Variants in CIMIP1 observed in about 807,000 individuals in gnomAD.
CIMIP1 encodes the protein ciliary microtubule inner protein 1, also known as low in lung cancer 1.
the CIMIP1 span, chr20:58,151,057 G>C: frequency 1.9e-6 from 3 of 1,580,080 alleles, no homozygotes; most frequent in South Asian, 1.2e-5. Flanking sequence ...CGGGCAACGC[G>C]GTGGGCTCCT....
the CIMIP1 span, chr20:58,153,681 A>G: frequency 8.0e-7 from 1 of 1,243,396 alleles, no homozygotes. Context: ...TCAAAGAATG[A>G]ATGATTACAA....
the CIMIP1 span, among the ~76,000 whole-genome samples, chr20:58,159,235 G>C: frequency 7.4e-6 from 1 of 134,464 alleles, no homozygotes; most frequent in African/African-American, 2.9e-5. Flanking sequence ...TAATTGCCAG[G>C]CTGGGCATGA....
At chr20:58,152,722 CAAAAAAAAAA>C in the CIMIP1 span, among the ~76,000 whole-genome samples, 5 of 84,872 alleles carry the variant, frequency 5.9e-5, no homozygotes, top group East Asian at 4.0e-4. Flanking sequence ...GAAACTCCAT[CAAAAAAAAAA>C]AAAAAAAAAA....
the CIMIP1 span, chr20:58,155,587 A>G: frequency 1.3e-6 from 2 of 1,592,052 alleles, no homozygotes; most frequent in Non-Finnish European, 1.7e-6. Flanking sequence ...ACGTTTTTAA[A>G]TACTCATTTT....
the CIMIP1 span, among the ~76,000 whole-genome samples, chr20:58,152,808 T>C: frequency 4.6e-5 from 7 of 151,992 alleles, no homozygotes; most frequent in Non-Finnish European, 1.0e-4. Context: ...TCAAATTGTG[T>C]ATGCAGCTCA....
At chr20:58,157,899 G>A in the CIMIP1 span, among the ~76,000 whole-genome samples, 1 of 152,164 alleles carries the variant, frequency 6.6e-6, no homozygotes, top group Admixed American at 6.5e-5. Context: ...CCAGAGCTGG[G>A]CTTTAATTCT....
chr20:58,159,183 C>CTT, the CIMIP1 span, among the ~76,000 whole-genome samples: 9,234 of 104,028 alleles, frequency 0.089, 641 homozygotes, highest in African/African-American at 0.16. Context: ...GCACTTTCTT[C>CTT]TTTTTTTTTT....
chr20:58,151,715 ATT>A, the CIMIP1 span, among the ~76,000 whole-genome samples: 4 of 151,672 alleles, frequency 2.6e-5, no homozygotes, highest in African/African-American at 9.7e-5. Flanking sequence ...GCCTGGCCAA[ATT>A]TTTTTTTAAA....
the CIMIP1 span, chr20:58,151,164 T>C: frequency 3.7e-6 from 3 of 820,852 alleles, no homozygotes; most frequent in Non-Finnish European, 5.9e-6. Flanking sequence ...GGGCGTGCGC[T>C]GAGGATGGTC....
the CIMIP1 span, among the ~76,000 whole-genome samples, chr20:58,152,595 A>G: frequency 1.3e-5 from 2 of 151,882 alleles, no homozygotes; most frequent in African/African-American, 4.8e-5. Flanking sequence ...GGTGGCACAC[A>G]CCTGTAATCC....
the CIMIP1 span, chr20:58,150,945 G>A: frequency 3.8e-6 from 6 of 1,593,354 alleles, no homozygotes; most frequent in South Asian, 3.4e-5. Flanking sequence ...CTTGCGGGGC[G>A]CACAGAGCCC....
chr20:58,158,685 A>G, the CIMIP1 span, among the ~76,000 whole-genome samples: 1 of 151,582 alleles, frequency 6.6e-6, no homozygotes, highest in Non-Finnish European at 1.5e-5. Context: ...TCCTTCTTCC[A>G]CCTTTCTTCC....
chr20:58,157,742 T>C, the CIMIP1 span, among the ~76,000 whole-genome samples: 1 of 152,134 alleles, frequency 6.6e-6, no homozygotes, highest in South Asian at 2.1e-4. Context: ...TTGCTCTGAG[T>C]CCGTAATTTT....
the CIMIP1 span, chr20:58,150,970 G>T: frequency 6.2e-6 from 10 of 1,605,754 alleles, no homozygotes; most frequent in Admixed American, 3.4e-5. Flanking sequence ...GCCTCATGGC[G>T]CAGAAACCTC....
chr20:58,160,651 T>C, the CIMIP1 span: 1 of 1,610,844 alleles, frequency 6.2e-7, no homozygotes. Context: ...CCCCTGTATT[T>C]CCATTCCAGG....
the CIMIP1 span, chr20:58,150,984 G>A: frequency 6.2e-7 from 1 of 1,608,478 alleles, no homozygotes; most frequent in African/African-American, 1.3e-5. Flanking sequence ...AAACCTCTCA[G>A]CACCGCGGCG....
the CIMIP1 span, among the ~76,000 whole-genome samples, chr20:58,157,079 AAATAT>A: frequency 2.6e-5 from 4 of 152,308 alleles, no homozygotes; most frequent in Admixed American, 6.5e-5. Context: ...AAATACACCA[AAATAT>A]AATATAATTA....
the CIMIP1 span, among the ~76,000 whole-genome samples, chr20:58,159,720 C>T: frequency 6.6e-6 from 1 of 152,148 alleles, no homozygotes; most frequent in Admixed American, 6.5e-5. Context: ...GGACAAACAG[C>T]TTTGAGAGCT....
chr20:58,159,094 T>C, the CIMIP1 span, among the ~76,000 whole-genome samples: 1 of 152,016 alleles, frequency 6.6e-6, no homozygotes, highest in Non-Finnish European at 1.5e-5. Flanking sequence ...CCATCATGGG[T>C]GTGTACCTGT....
Sources: gnomAD v4.1 joint callset for allele counts (sites outside exome capture counted in the v4.1 genomes callset) on GRCh38, gnomAD v4.1.1 for gene constraint, MANE v1.5 for transcripts, NCBI Gene and HGNC (gene_info 2026-07-23, HGNC 2026-07-21) for gene names.